The following SAMMSON variants were observed in gnomAD, a reference collection of about 807,000 sequenced individuals.
SAMMSON encodes long intergenic non-protein coding RNA 1212.
intron 6 of SAMMSON, among the ~76,000 whole-genome samples, chr3:70,269,710 A>G (rs1575611320): frequency 6.6e-6 from 1 of 151,920 alleles, no homozygotes; most frequent in Admixed American, 6.5e-5. Context: ...GCAAAAAACT[A>G]GGAATTAATG....
chr3:70,033,887 T>C (rs1237480927), intron 3 of SAMMSON, among the ~76,000 whole-genome samples: 1 of 151,984 alleles, frequency 6.6e-6, no homozygotes, highest in East Asian at 1.9e-4. Context: ...AAAAGGAGGA[T>C]GTCAGAGGAT....
At chr3:70,280,831 G>A (rs1311948360) in intron 6 of SAMMSON, among the ~76,000 whole-genome samples, 1 of 152,024 alleles carries the variant, frequency 6.6e-6, no homozygotes, top group Non-Finnish European at 1.5e-5. Flanking sequence ...TCCCAGAGAC[G>A]GTACTGCCCC....
intron 4 of SAMMSON, among the ~76,000 whole-genome samples, chr3:70,111,796 T>C (rs930000928): frequency 6.6e-6 from 1 of 151,808 alleles, no homozygotes; most frequent in Non-Finnish European, 1.5e-5. Context: ...TAAACCTCAA[T>C]GGATAGGTCA....
intron 4 of SAMMSON, among the ~76,000 whole-genome samples, chr3:70,197,922 A>G (rs1701197483): frequency 6.6e-6 from 1 of 152,174 alleles, no homozygotes; most frequent in African/African-American, 2.4e-5. Flanking sequence ...AAAAATCTGG[A>G]AAGTATCTCT....
chr3:70,020,254 C>G (rs2067007070), intron 3 of SAMMSON, among the ~76,000 whole-genome samples: 1 of 152,100 alleles, frequency 6.6e-6, no homozygotes, highest in African/African-American at 2.4e-5. Flanking sequence ...CCTTCTCTGT[C>G]TCCTCAATTC....
chr3:70,134,040 G>A lies in SAMMSON; in HGVS notation n.507+62475G>A, dbSNP rs184413424. On this transcript the variant is annotated intron_variant and non_coding_transcript_variant, in intron 4 of 9. Transcript: ENST00000642114. Reference sequence around the variant, plus strand: ...AGGCAGATCACGAGGCCAGGAGTTCGAGACCTGTCTGGCCAACATGGTGAA... The same window carrying A: ...AGGCAGATCACGAGGCCAGGAGTTCAAGACCTGTCTGGCCAACATGGTGAA... Among the ~76,000 whole-genome samples, 115 of 145,930 alleles carry A rather than the reference G, an allele frequency of 7.9e-4. 2 individuals are homozygous for A. In the Admixed American group the frequency reaches 8.0e-3, roughly 10 times the overall value.
intron 4 of SAMMSON, among the ~76,000 whole-genome samples, chr3:70,158,634 A>G (rs983831784): frequency 1.3e-5 from 2 of 152,018 alleles, no homozygotes; most frequent in Admixed American, 6.6e-5. Flanking sequence ...CTGCTTACAT[A>G]GAGAAATTTA....
At position 70,126,120 on chromosome 3, in the gene SAMMSON, G is replaced by T. The variant is rs563059336; in HGVS notation, n.507+54555G>T. Reference sequence around the variant, plus strand: ...CATTTACTCTGTTTGTTAGGATTGTGCTGGAAGGTGGTGGGTACATATACT... The same window carrying T: ...CATTTACTCTGTTTGTTAGGATTGTTCTGGAAGGTGGTGGGTACATATACT... On this transcript the variant is annotated intron_variant and non_coding_transcript_variant, in intron 4 of 9. Transcript: ENST00000642114. 75 of 1,262,510 alleles carry T rather than the reference G, an allele frequency of 5.9e-5. 1 individual carries two copies. The East Asian group carries it at 1.8e-3, about 31-fold the overall frequency. The allele number at this position is 1,262,510 out of a possible 1,614,324, so 78.2% of individuals were successfully genotyped here. A position where few individuals can be genotyped will look rare whatever the true frequency, so the allele number is the denominator to read the frequency against.
chr3:70,225,611 AG>A (rs35333732), intron 4 of SAMMSON, among the ~76,000 whole-genome samples: 21,603 of 152,162 alleles, frequency 0.14, 2,208 homozygotes, highest in East Asian at 0.53. Flanking sequence ...AGATGCTAGA[AG>A]CATGCCTAAT....
chr3:70,119,298 C>T (rs1332537823), intron 4 of SAMMSON, among the ~76,000 whole-genome samples: 3 of 152,116 alleles, frequency 2.0e-5, no homozygotes, highest in Non-Finnish European at 4.4e-5. Flanking sequence ...AACTCCTGAC[C>T]TCAGGTGATC....
intron 7 of SAMMSON, among the ~76,000 whole-genome samples, chr3:70,335,542 G>GT (rs1471554575): frequency 6.6e-6 from 1 of 151,916 alleles, no homozygotes. Context: ...AGTAACTAAA[G>GT]TAGCTGCTTT....
intron 4 of SAMMSON, among the ~76,000 whole-genome samples, chr3:70,122,614 A>G (rs1278615597): frequency 7.2e-6 from 1 of 138,590 alleles, no homozygotes; most frequent in African/African-American, 2.8e-5. Context: ...TTAACTGTCA[A>G]TAAGAAAACA....
At chr3:70,118,854 G>C (rs1359372908) in intron 4 of SAMMSON, among the ~76,000 whole-genome samples, 2 of 152,150 alleles carry the variant, frequency 1.3e-5, no homozygotes, top group African/African-American at 4.8e-5. Context: ...AAGTGATATA[G>C]CTAAGATGTG....
At chr3:70,195,289 G>A (rs1330141977) in intron 4 of SAMMSON, among the ~76,000 whole-genome samples, 1 of 152,116 alleles carries the variant, frequency 6.6e-6, no homozygotes, top group East Asian at 1.9e-4. Context: ...CTGAAAAGCA[G>A]AAAGACTTTT....
intron 9 of SAMMSON, among the ~76,000 whole-genome samples, chr3:70,364,134 G>T (rs1163764341): frequency 6.6e-6 from 1 of 151,722 alleles, no homozygotes; most frequent in East Asian, 1.9e-4. Flanking sequence ...CATAATTCCT[G>T]CATTTATTTC....
At chr3:70,031,311 C>T (rs1417774439) in intron 3 of SAMMSON, among the ~76,000 whole-genome samples, 4 of 151,880 alleles carry the variant, frequency 2.6e-5, no homozygotes. Context: ...GGTATGATTC[C>T]ACTTATATGA....
intron 4 of SAMMSON, chr3:70,205,452 T>G (rs1489983735): frequency 6.6e-6 from 1 of 152,130 alleles, no homozygotes; most frequent in Non-Finnish European, 1.5e-5. Flanking sequence ...ACATAATATA[T>G]GATAGAAATC....
At chr3:70,039,654 G>T (rs1179644413) in intron 3 of SAMMSON, among the ~76,000 whole-genome samples, 1 of 144,696 alleles carries the variant, frequency 6.9e-6, no homozygotes, top group African/African-American at 2.6e-5. Flanking sequence ...CTTTCTATTG[G>T]TTTTTGTTTA....
intron 2 of SAMMSON, among the ~76,000 whole-genome samples, chr3:70,413,232 T>G (rs558937536): frequency 6.7e-4 from 102 of 152,270 alleles, no homozygotes; most frequent in African/African-American, 1.9e-3. Flanking sequence ...TTAGCCTTCT[T>G]TAGTAATCTG....
Sources: allele counts gnomAD v4.1 joint callset (sites outside exome capture counted in the v4.1 genomes callset), GRCh38; gene constraint gnomAD v4.1.1; transcripts MANE v1.5; gene names NCBI Gene and HGNC (gene_info 2026-07-23, HGNC 2026-07-21).